The following C1orf87 variants were observed in gnomAD, a reference collection of about 807,000 sequenced individuals.
The protein encoded by C1orf87 is uncharacterized protein C1orf87.
C1orf87 carries 58 observed loss-of-function variants against 60.5 expected under a neutral mutation model. The observed-to-expected ratio is 0.96, with a 90% confidence interval of 0.78 to 1.19. The LOEUF (loss-of-function observed/expected upper bound fraction) is 1.19, where lower values mean the gene tolerates loss of function less well. Ranked by LOEUF, C1orf87 falls within the 50% of genes most tolerant of loss-of-function variation. The probability of loss-of-function intolerance (pLI) is 0.00; values close to 1 mark genes in which losing one functional copy is unlikely to be tolerated. For synonymous variants in C1orf87, 236 were observed against 227.4 expected (o/e 1.04, Z -0.34); for missense variants, 673 against 638.6 (o/e 1.05, Z -0.58).
At chr1:60,025,580 T>A in intron 7 of C1orf87, 82 bp from the exon 8 acceptor site, 1 of 1,087,690 alleles carries the variant, frequency 9.2e-7, no homozygotes, top group South Asian at 1.6e-5. Context: ...TAATATTTGT[T>A]TTTTCTCATA....
rs562720866 is a variant in C1orf87, at chr1:60,069,905, G to C, written c.107+2632C>G. 2.6e-5 allele frequency among the ~76,000 whole-genome samples: 4 copies of C among 152,260 alleles called. No individual in the cohort carries two copies. The South Asian group carries it at 8.3e-4, about 32-fold the overall frequency. ...ATTAGGGTGGGCCCCTAATGTAATT[G>C]ACTGATGTCTTTATAAAAAGGGGCA... On this transcript the variant is annotated intron_variant, in intron 2 of 11. Coordinates refer to ENST00000371201, the MANE Select transcript of C1orf87 (RefSeq NM_152377.3).
At chr1:60,068,904 G>T (rs997220915) in intron 2 of C1orf87, among the ~76,000 whole-genome samples, 8 of 152,106 alleles carry the variant, frequency 5.3e-5, no homozygotes, top group Non-Finnish European at 1.2e-4. Context: ...ACATCTGGAT[G>T]TTATTTTAAC....
intron 7 of C1orf87, among the ~76,000 whole-genome samples, chr1:60,032,436 T>G (rs978947586): frequency 3.5e-5 from 5 of 141,628 alleles, no homozygotes; most frequent in Non-Finnish European, 7.7e-5. Flanking sequence ...ACTCAGGTTT[T>G]TTTTTTTTTT....
intron 2 of C1orf87, among the ~76,000 whole-genome samples, chr1:60,069,739 T>C (rs956544144): frequency 5.9e-5 from 9 of 152,164 alleles, no homozygotes; most frequent in Non-Finnish European, 1.2e-4. Context: ...ATCTGTAAAA[T>C]GGGAGTCTGG....
Position 60,040,053 on chromosome 1 carries a change from A to T in C1orf87, c.611T>A (p.Ile204Asn). Residue 204 changes from isoleucine (I) to asparagine (N), a missense_variant, in exon 5 of 12, where the codon ATC (isoleucine) becomes AAC (asparagine). Coordinates refer to ENST00000371201, the MANE Select transcript of C1orf87 (RefSeq NM_152377.3). ...LLEKLQKELK[I>N]LDPISSGFLL... Reference sequence around the variant, plus strand: ...AAATCCTGAAGAGATTGGGTCCAGGATCTTCAGCTCTTTCTGAAGCTTTTC... The same window carrying T: ...AAATCCTGAAGAGATTGGGTCCAGGTTCTTCAGCTCTTTCTGAAGCTTTTC... The T allele has an allele frequency of 6.2e-7, 1 of 1,614,242 alleles. No homozygotes were observed. Among genetic ancestry groups the T allele is most frequent in the East Asian group, 2.2e-5 (1 of 44,886 alleles).
intron 8 of C1orf87, among the ~76,000 whole-genome samples, chr1:60,014,991 CT>C (rs1645115694): frequency 6.6e-6 from 1 of 152,196 alleles, no homozygotes; most frequent in Admixed American, 6.5e-5. Context: ...TAATCCTCTA[CT>C]TCAGTCAAGG....
chr1:60,012,281 A>C (rs1443325971), intron 8 of C1orf87, among the ~76,000 whole-genome samples: 1 of 152,118 alleles, frequency 6.6e-6, no homozygotes, highest in East Asian at 1.9e-4. Context: ...AGGAATTATC[A>C]GGTAGTGTTC....
At chr1:60,055,143 T>A in intron 3 of C1orf87, 61 bp downstream of exon 3, 1 of 1,400,064 alleles carries the variant, frequency 7.1e-7, no homozygotes, top group Non-Finnish European at 1.0e-6. Context: ...TGAACCTATG[T>A]TTTTATCTAT....
rs750065570 is a variant in C1orf87, at chr1:60,040,007, G to T, written c.657C>A (p.Ser219Arg). The change falls in exon 5 of 12, where the codon AGC (serine) becomes AGA (arginine). Residue 219 changes from serine to arginine, a missense_variant. Transcript: ENST00000371201. ...SSGFLLQSQL[S>R]RLFLKHEVPL... ...GGACTTCATGCTTCAAAAAGAGGCG[G>T]CTCAGCTGAGATTGGAGAAGAAATC... The T allele has an allele frequency of 3.1e-6, 5 of 1,614,138 alleles. No homozygotes were observed. In the South Asian group the frequency reaches 5.5e-5, roughly 18 times the overall value.
chr1:60,013,945 TA>T (rs947487966), intron 8 of C1orf87, among the ~76,000 whole-genome samples: 76 of 152,280 alleles, frequency 5.0e-4, no homozygotes, highest in African/African-American at 1.7e-3. Flanking sequence ...CCATAAGCTA[TA>T]TGCTCCTCAT....
chr1:60,033,753 C>G, intron 6 of C1orf87, 112 bp from the exon 7 acceptor site: 1 of 1,230,604 alleles, frequency 8.1e-7, no homozygotes, highest in African/African-American at 1.5e-5. Flanking sequence ...CCAGAGAGCC[C>G]ATCTACGTAG....
intron 4 of C1orf87, 68 bp downstream of exon 4, chr1:60,040,923 A>T (rs1645319360): frequency 6.8e-7 from 1 of 1,480,988 alleles, no homozygotes; most frequent in African/African-American, 1.4e-5. Context: ...GCTCCACATC[A>T]AGAAATTGAG....
At chr1:60,017,739 A>G (rs1392218308) in intron 8 of C1orf87, among the ~76,000 whole-genome samples, 1 of 152,232 alleles carries the variant, frequency 6.6e-6, no homozygotes, top group Non-Finnish European at 1.5e-5. Context: ...CATTTTACAT[A>G]AGGGTGATTC....
chr1:60,034,130 C>A (rs1392315163), intron 6 of C1orf87, among the ~76,000 whole-genome samples: 1 of 152,192 alleles, frequency 6.6e-6, no homozygotes, highest in Non-Finnish European at 1.5e-5. Flanking sequence ...CCTGAACCAG[C>A]TGGATTTCCT....
intron 3 of C1orf87, 22 bp from the exon 4 acceptor site, chr1:60,041,153 G>A: frequency 6.6e-7 from 1 of 1,517,944 alleles, no homozygotes; most frequent in Non-Finnish European, 8.9e-7. Flanking sequence ...AAGGACAAAG[G>A]GAAGCAAGGA....
chr1:60,056,232 CTAAAAAAATAAAAAA>C (rs2100320689), intron 2 of C1orf87, among the ~76,000 whole-genome samples: 1 of 151,720 alleles, frequency 6.6e-6, no homozygotes, highest in Non-Finnish European at 1.5e-5. Context: ...TGACACGTCT[CTAAAAAAATAAAAAA>C]TAAAAAAATA....
rs145767684 is a variant in C1orf87 at position 60,044,376 on chromosome 1, T to C, written c.343-3245A>G. Among the ~76,000 whole-genome samples, 324 of 152,362 alleles carry C rather than the reference T, an allele frequency of 2.1e-3. 1 individual carries two copies. The highest frequency in any genetic ancestry group is 7.6e-3 in the African/African-American group (316 of 41,588). On this transcript the variant is annotated intron_variant, in intron 3 of 11. Transcript: ENST00000371201. The stretch of plus-strand genomic sequence containing the variant: ...CAACTATGGAAAGAGGAAAATACAC[T>C]GTACTCCCTGGAATGCTGTGAAGAA...
intron 9 of C1orf87, among the ~76,000 whole-genome samples, chr1:60,008,184 C>G (rs980801864): frequency 2.6e-5 from 4 of 151,982 alleles, no homozygotes; most frequent in African/African-American, 9.7e-5. Flanking sequence ...TGACACGTTG[C>G]CTATAAAAAT....
intron 9 of C1orf87, 101 bp downstream of exon 9, chr1:60,010,291 G>A: frequency 9.4e-7 from 1 of 1,061,164 alleles, no homozygotes; most frequent in Non-Finnish European, 1.4e-6. Flanking sequence ...AGAGAAATGA[G>A]ATGAAACCCA....
Sources: gnomAD v4.1 joint callset for allele counts (sites outside exome capture counted in the v4.1 genomes callset) on GRCh38, gnomAD v4.1.1 for gene constraint, MANE v1.5 for transcripts, NCBI Gene and HGNC (gene_info 2026-07-23, HGNC 2026-07-21) for gene names.